SYT2: variants seen among roughly 807,000 people sequenced by gnomAD.
The protein encoded by SYT2 is synaptotagmin-2.
In SYT2, 15 loss-of-function variants were observed where a neutral mutation model predicts 39.9. That is an observed-to-expected ratio of 0.38 (90% CI 0.25 to 0.58). The LOEUF is 0.58. SYT2 is among the 20% of genes least tolerant of loss of function. The pLI is 0.70. For missense variants in SYT2, 389 were observed against 530.3 expected (o/e 0.73, Z 2.62); for synonymous variants, 181 against 204.5 (o/e 0.89, Z 0.98).
At chr1:202,639,424 G>T in intron 1 of SYT2, 1 of 869,660 alleles carries the variant, frequency 1.1e-6, no homozygotes, top group Non-Finnish European at 1.4e-6. Flanking sequence ...CCGTCGCTGG[G>T]CTTGGAGCTC....
chr1:202,599,257 G>C lies in SYT2; in HGVS notation c.1014C>G (p.Asn338Lys). Reference sequence around the variant, plus strand: ...AGGGGATCTCAAAGCTGAAGGACTCGTTGAAGTATGGGTTCAGGGTCTTCT... The same window carrying C: ...AGGGGATCTCAAAGCTGAAGGACTCCTTGAAGTATGGGTTCAGGGTCTTCT... The part of the protein sequence containing the change: ...VKKKTLNPYF[N>K]ESFSFEIPFE... The change falls in exon 8 of 9, where the codon AAC (asparagine) becomes AAG (lysine). Residue 338 changes from asparagine to lysine, a missense_variant. Asn to Lys is a moderately conservative substitution (Grantham distance 94). Coordinates refer to ENST00000367268, the MANE Select transcript of SYT2 (RefSeq NM_177402.5). The surrounding 1 kb of genome is among the most constrained non-coding windows in gnomAD (Gnocchi z 4.4). 1 of 1,612,932 alleles carries C rather than the reference G, an allele frequency of 6.2e-7. No individual in the cohort carries two copies. Among genetic ancestry groups the C allele is most frequent in the Non-Finnish European group, 8.5e-7 (1 of 1,179,566 alleles).
intron 1 of SYT2, among the ~76,000 whole-genome samples, chr1:202,653,143 G>C (rs927605371): frequency 3.9e-5 from 6 of 151,936 alleles, no homozygotes; most frequent in Non-Finnish European, 5.9e-5. Context: ...CTCTCTTCCT[G>C]CTGCACCCAG....
chr1:202,709,517 G>A (rs1480034993), intron 1 of SYT2, among the ~76,000 whole-genome samples: 1 of 152,200 alleles, frequency 6.6e-6, no homozygotes, highest in Non-Finnish European at 1.5e-5. Context: ...AAGGTACATG[G>A]AAGAGTCCAG....
intron 1 of SYT2, among the ~76,000 whole-genome samples, chr1:202,678,104 T>C (rs1200961880): frequency 6.6e-6 from 1 of 151,984 alleles, no homozygotes; most frequent in Non-Finnish European, 1.5e-5. Context: ...CGAAACCTTG[T>C]CTGGACTAAA....
At chr1:202,603,208 T>G in intron 3 of SYT2, 90 bp from the exon 4 acceptor site, 1 of 1,528,882 alleles carries the variant, frequency 6.5e-7, no homozygotes, top group Non-Finnish European at 8.9e-7. Context: ...CCAGCCCCTC[T>G]GTGGTAGACC....
At position 202,628,599 on chromosome 1, in the gene SYT2, A is replaced by G. The variant is rs1691484641; in HGVS notation, c.-17-22810T>C. 3.3e-5 allele frequency among the ~76,000 whole-genome samples: 5 copies of G among 152,234 alleles called. No homozygotes were observed. The highest frequency in any genetic ancestry group is 7.3e-5 in the Non-Finnish European group (5 of 68,048). Reference sequence around the variant, plus strand: ...CCCGGGGGCACAATTAGGTGCTCCAAAGAAGCCAGCTCTCTCCTGCCTGAC... The same window carrying G: ...CCCGGGGGCACAATTAGGTGCTCCAGAGAAGCCAGCTCTCTCCTGCCTGAC... On this transcript the variant is annotated intron_variant, in intron 1 of 8. Coordinates refer to ENST00000367268, the MANE Select transcript of SYT2 (RefSeq NM_177402.5). This position sits in a 1 kb window ranked among gnomAD's most constrained non-coding sequence, Gnocchi z 4.2.
intron 1 of SYT2, among the ~76,000 whole-genome samples, chr1:202,606,690 C>T (rs1215237478): frequency 6.6e-6 from 1 of 152,186 alleles, no homozygotes; most frequent in East Asian, 1.9e-4. Flanking sequence ...CCTGCCCCCA[C>T]ATGCAGCTGT....
At chr1:202,661,563 C>T (rs1016650836) in intron 1 of SYT2, among the ~76,000 whole-genome samples, 2 of 152,210 alleles carry the variant, frequency 1.3e-5, no homozygotes, top group African/African-American at 4.8e-5. Context: ...CCCTATGCCA[C>T]TCGGCAGCCT....
chr1:202,626,397 G>GTTTTTTTTT (rs1558437010), intron 1 of SYT2, among the ~76,000 whole-genome samples: 3 of 102,438 alleles, frequency 2.9e-5, no homozygotes, highest in East Asian at 3.4e-4. Context: ...CAGCCTCTCA[G>GTTTTTTTTT]CTTTTTTTTT....
chr1:202,710,124 T>G (rs1366341349), intron 1 of SYT2, 134 bp downstream of exon 1: 1 of 150,798 alleles, frequency 6.6e-6, no homozygotes, highest in Non-Finnish European at 1.5e-5. Context: ...CCCGGCCCCC[T>G]TGGCCTCAAA....
chr1:202,669,632 G>A (rs1027120989), intron 1 of SYT2, among the ~76,000 whole-genome samples: 2 of 151,656 alleles, frequency 1.3e-5, no homozygotes, highest in Non-Finnish European at 2.9e-5. Flanking sequence ...AGTGGTGGAC[G>A]CCTGTGGTCT....
rs529783904 is a variant in SYT2 at position 202,673,579 on chromosome 1, G to C, written c.-18+36679C>G. Among the ~76,000 whole-genome samples, 395 of 152,282 alleles carry C rather than the reference G, an allele frequency of 2.6e-3. 5 individuals carry two copies. Among genetic ancestry groups the C allele is most frequent in the South Asian group, 0.014 (67 of 4,820 alleles). The stretch of plus-strand genomic sequence containing the variant: ...TCACCCACATCCTTAGGTCCCAACA[G>C]CTCCAGTTGAAGGGACACATTACCC... On this transcript the variant is annotated intron_variant, in intron 1 of 8. Coordinates refer to ENST00000367268, the MANE Select transcript of SYT2 (RefSeq NM_177402.5).
intron 1 of SYT2, among the ~76,000 whole-genome samples, chr1:202,626,593 C>G (rs773069429): frequency 9.2e-5 from 14 of 151,718 alleles, no homozygotes; most frequent in Non-Finnish European, 1.8e-4. Flanking sequence ...TCTCAAACTC[C>G]TGGGCTCAAG....
rs1572620601 is a variant in SYT2 at position 202,609,288 on chromosome 1, T to C, written c.-17-3499A>G. Among the ~76,000 whole-genome samples, 2 of 152,242 alleles carry C rather than the reference T, an allele frequency of 1.3e-5. 1 individual carries two copies. Among genetic ancestry groups the C allele is most frequent in the East Asian group, 3.9e-4 (2 of 5,182 alleles). On this transcript the variant is annotated intron_variant, in intron 1 of 8. Transcript: ENST00000367268. The stretch of plus-strand genomic sequence containing the variant: ...AATCCAGTCTTATCATTGTTGGACA[T>C]TTGGGTTGGTTCCAAGTCTTTGCTA...
At chr1:202,631,186 TGCCTGCCTACCAAA>T (rs1169033686) in intron 1 of SYT2, among the ~76,000 whole-genome samples, 1 of 152,300 alleles carries the variant, frequency 6.6e-6, no homozygotes, top group East Asian at 1.9e-4. Context: ...CTTAATGAGC[TGCCTGCCTACCAAA>T]GCCAGCATGG....
intron 3 of SYT2, 159 bp downstream of exon 3, chr1:202,604,296 G>A (rs976428674): frequency 1.4e-5 from 10 of 703,906 alleles, no homozygotes; most frequent in Non-Finnish European, 2.2e-5. Flanking sequence ...GGGCCTCCAG[G>A]TAGACGGTGT....
At chr1:202,634,109 T>C (rs1383550122) in intron 1 of SYT2, among the ~76,000 whole-genome samples, 1 of 152,240 alleles carries the variant, frequency 6.6e-6, no homozygotes, top group Non-Finnish European at 1.5e-5. Flanking sequence ...TTCTTCACTT[T>C]ATAATAAGGG....
chr1:202,698,981 T>C (rs1417294383), intron 1 of SYT2, among the ~76,000 whole-genome samples: 1 of 150,724 alleles, frequency 6.6e-6, no homozygotes, highest in South Asian at 2.1e-4. Flanking sequence ...CATCCAGAGC[T>C]GTGTGGATAG....
In SYT2 at chr1:202,602,269, C is replaced by T. The variant is rs1690532788; in HGVS notation, c.633+109G>A. 8 of 1,339,604 alleles carry T rather than the reference C, an allele frequency of 6.0e-6. No individual in the cohort carries two copies. In the South Asian group the frequency reaches 6.8e-5, roughly 11 times the overall value. 83.0% of individuals were successfully genotyped at this position (1,339,604 alleles called of 1,614,324 possible). On this transcript the variant is annotated intron_variant, in intron 5 of 8. Transcript: ENST00000367268. ...CGGGGTAGCCCTGCAGTCAAGGCTG[C>T]CATTGTTCCAGGCTGAGCCATGGCT...
Sources: gnomAD v4.1 joint callset for allele counts (sites outside exome capture counted in the v4.1 genomes callset) on GRCh38, gnomAD v4.1.1 for gene constraint, Gnocchi (gnomAD v3.1) non-coding constraint, MANE v1.5 for transcripts, NCBI Gene and HGNC (gene_info 2026-07-23, HGNC 2026-07-21) for gene names.